BCL7C: variants seen among roughly 807,000 people sequenced by gnomAD.
BCL7C encodes BAF chromatin remodeling complex subunit BCL7C, also known as B-cell CLL/lymphoma 7 protein family member C.
BCL7C carries 8 observed loss-of-function variants against 26.2 expected under a neutral mutation model. That is an observed-to-expected ratio of 0.30 (90% CI 0.18 to 0.55). BCL7C has a LOEUF of 0.55. BCL7C is among the 20% of genes least tolerant of loss of function. The probability of loss-of-function intolerance (pLI) is 0.93; values close to 1 mark genes in which losing one functional copy is unlikely to be tolerated. For synonymous variants in BCL7C, 90 were observed against 116.5 expected (o/e 0.77, Z 1.47); for missense variants, 262 against 298.5 (o/e 0.88, Z 0.90).
At chr16:30,837,205 G>T (rs2054575377) in intron 5 of BCL7C, among the ~76,000 whole-genome samples, 1 of 152,004 alleles carries the variant, frequency 6.6e-6, no homozygotes, top group Non-Finnish European at 1.5e-5. Flanking sequence ...GCCTAATAGT[G>T]TTTACCATTA....
chr16:30,877,390 T>G (rs1834014873), intron 5 of BCL7C, among the ~76,000 whole-genome samples: 1 of 151,324 alleles, frequency 6.6e-6, no homozygotes, highest in Admixed American at 6.6e-5. Context: ...TGCCTCAGCC[T>G]CCCAAAGTGC....
At chr16:30,847,982 G>A (rs1200881615) in intron 5 of BCL7C, among the ~76,000 whole-genome samples, 1 of 151,810 alleles carries the variant, frequency 6.6e-6, no homozygotes, top group East Asian at 1.9e-4. Flanking sequence ...AGTGAGGGGA[G>A]AATGTGATAC....
rs141702800 is a variant in BCL7C, at chr16:30,873,600, G to C, written c.528+15260C>G. Among the ~76,000 whole-genome samples, 107 of 152,108 alleles carry C rather than the reference G, an allele frequency of 7.0e-4. 1 individual carries two copies. The East Asian group carries it at 0.011, about 16-fold the overall frequency. On this transcript the variant is annotated intron_variant, in intron 5 of 5. Coordinates refer to the BCL7C transcript ENST00000380317. Reference sequence around the variant, plus strand: ...GTGATGGCTCAGACCTGTAATCCCAGCATTTGGGGAGGCTGGGGCAGGCAG... The same window carrying C: ...GTGATGGCTCAGACCTGTAATCCCACCATTTGGGGAGGCTGGGGCAGGCAG...
chr16:30,846,975 G>A (rs1284090126), intron 5 of BCL7C, among the ~76,000 whole-genome samples: 1 of 152,198 alleles, frequency 6.6e-6, no homozygotes, highest in East Asian at 1.9e-4. Context: ...AAGGAGCAAG[G>A]ACTGTGGTGT....
intron 4 of BCL7C, among the ~76,000 whole-genome samples, chr16:30,890,856 A>G (rs536360006): frequency 6.6e-6 from 1 of 152,050 alleles, no homozygotes; most frequent in South Asian, 2.1e-4. Context: ...ATGGTGGTGC[A>G]TGCCTATAAT....
chr16:30,880,713 T>G (rs1399084240), intron 5 of BCL7C, among the ~76,000 whole-genome samples: 2 of 152,084 alleles, frequency 1.3e-5, no homozygotes, highest in Non-Finnish European at 2.9e-5. Context: ...ATTTTTATTT[T>G]TTTTAGACAG....
chr16:30,876,875 A>G (rs1249963364), intron 5 of BCL7C, among the ~76,000 whole-genome samples: 2 of 152,186 alleles, frequency 1.3e-5, no homozygotes, highest in African/African-American at 4.8e-5. Flanking sequence ...TTCTACCATA[A>G]GGAACTTGGT....
At position 30,841,455 on chromosome 16, in the gene BCL7C, G is replaced by A. The variant is rs532015649; in HGVS notation, c.529-6307C>T. Among the ~76,000 whole-genome samples, 49 of 152,230 alleles carry A rather than the reference G, an allele frequency of 3.2e-4. 1 individual carries two copies. The South Asian group carries it at 7.5e-3, about 23-fold the overall frequency. ...CAGGATGTAAGCAAACTCACACTGC[G>A]CCTGCTGCCAAAAGGTTTGCTGAGG... On this transcript the variant is annotated intron_variant, in intron 5 of 5. Transcript: ENST00000380317.
At chr16:30,877,036 G>A (rs1266482821) in intron 5 of BCL7C, among the ~76,000 whole-genome samples, 2 of 152,146 alleles carry the variant, frequency 1.3e-5, no homozygotes, top group African/African-American at 2.4e-5. Context: ...GAAATGCCTG[G>A]CCGCAAAACT....
chr16:30,870,466 A>C (rs1043827085), intron 5 of BCL7C, among the ~76,000 whole-genome samples: 15 of 151,838 alleles, frequency 9.9e-5, no homozygotes, highest in Admixed American at 5.3e-4. Flanking sequence ...GGAGTTTGAG[A>C]CCAGTGTGGC....
chr16:30,857,802 C>A (rs767428412), intron 5 of BCL7C, among the ~76,000 whole-genome samples: 115 of 151,908 alleles, frequency 7.6e-4, no homozygotes, highest in Non-Finnish European at 5.7e-4. Flanking sequence ...GAAACCCCAT[C>A]TCTACTAATA....
At chr16:30,892,500 A>G in intron 4 of BCL7C, 86 bp downstream of exon 4, 1 of 1,384,760 alleles carries the variant, frequency 7.2e-7, no homozygotes, top group South Asian at 1.4e-5. Context: ...CAAGACGGGG[A>G]GCAGGTATAG....
intron 5 of BCL7C, among the ~76,000 whole-genome samples, chr16:30,866,808 C>T (rs918356310): frequency 1.3e-5 from 2 of 152,084 alleles, no homozygotes. Flanking sequence ...AATGCCAGCA[C>T]TTTGGGAAGC....
At chr16:30,836,665 G>A (rs1350414600) in intron 5 of BCL7C, among the ~76,000 whole-genome samples, 1 of 151,622 alleles carries the variant, frequency 6.6e-6, no homozygotes, top group African/African-American at 2.4e-5. Context: ...TTGTAGAGAT[G>A]GGGTTTTGCC....
chr16:30,873,667 A>G (rs973723516), intron 5 of BCL7C, among the ~76,000 whole-genome samples: 6 of 151,884 alleles, frequency 4.0e-5, no homozygotes. Context: ...CCTGGGCAAC[A>G]TAGCAAAACC....
intron 5 of BCL7C, among the ~76,000 whole-genome samples, chr16:30,879,700 A>AAAAAAAAACAAAAC (rs2055011461): frequency 7.4e-6 from 1 of 135,004 alleles, no homozygotes; most frequent in Non-Finnish European, 1.7e-5. Context: ...AAAAAAAAAA[A>AAAAAAAAACAAAAC]AAAAAAAAAC....
At chr16:30,859,664 TC>T (rs1387891989) in intron 5 of BCL7C, among the ~76,000 whole-genome samples, 1 of 152,098 alleles carries the variant, frequency 6.6e-6, no homozygotes, top group African/African-American at 2.4e-5. Flanking sequence ...TGTAATATTC[TC>T]CCCTGCCCTT....
chr16:30,882,632 T>A (rs80282927), intron 5 of BCL7C, among the ~76,000 whole-genome samples: 16 of 152,114 alleles, frequency 1.1e-4, no homozygotes, highest in African/African-American at 3.9e-4. Context: ...AGAGAGTGAC[T>A]GCAGGTGTGG....
chr16:30,854,450 G>A (rs760059629), intron 5 of BCL7C, among the ~76,000 whole-genome samples: 2 of 152,098 alleles, frequency 1.3e-5, no homozygotes, highest in Non-Finnish European at 2.9e-5. Context: ...ATCACAGAGG[G>A]TTTCAATTTG....
Sources: allele counts gnomAD v4.1 joint callset (sites outside exome capture counted in the v4.1 genomes callset), GRCh38; gene constraint gnomAD v4.1.1; transcripts MANE v1.5; gene names NCBI Gene and HGNC (gene_info 2026-07-23, HGNC 2026-07-21).